PCGF2: variants seen among roughly 807,000 people sequenced by gnomAD.
PCGF2 encodes polycomb group RING finger protein 2.
A neutral mutation model predicts 36.1 loss-of-function variants in PCGF2; 8 were observed. That is an observed-to-expected ratio of 0.22 (90% confidence interval 0.13 to 0.40). The LOEUF (loss-of-function observed/expected upper bound fraction) is 0.40, where lower values mean the gene tolerates loss of function less well. PCGF2 is among the 10% of genes least tolerant of loss of function. PCGF2 has a pLI of 1.00. For missense variants in PCGF2, 436 were observed against 475.9 expected, an observed-to-expected ratio of 0.92 and a Z score of 0.78; for synonymous variants, 198 against 191.2, an observed-to-expected ratio of 1.04 and a Z score of -0.29.
upstream of PCGF2, among the ~76,000 whole-genome samples, chr17:38,748,833 T>G (rs1473552032): frequency 6.6e-6 from 1 of 152,168 alleles, no homozygotes; most frequent in Non-Finnish European, 1.5e-5. Flanking sequence ...GCGATTTTCA[T>G]TCACTCCAAG....
chr17:38,743,471 G>A (rs554177808), intron 2 of PCGF2, among the ~76,000 whole-genome samples: 1 of 151,996 alleles, frequency 6.6e-6, no homozygotes, highest in East Asian at 1.9e-4. Context: ...TCACTTCCCC[G>A]AGCATTTCTG....
chr17:38,743,226 A>G (rs1907317452), intron 2 of PCGF2, among the ~76,000 whole-genome samples: 3 of 150,894 alleles, frequency 2.0e-5, no homozygotes, highest in Admixed American at 2.0e-4. Context: ...GAGTAGCTGG[A>G]ATCACAGGTG....
rs1452114686 is a variant in PCGF2, at chr17:38,735,567, G to A, written c.691C>T (p.Pro231Ser). Residue 231 changes from proline to serine, a missense_variant, in exon 11 of 11, where the codon CCA (proline) becomes TCA (serine). Pro to Ser is a moderately conservative substitution (Grantham distance 74). Transcript: ENST00000620225. ...GPLPLKYRVQ[P>S]ACKRLTLATV... Reference sequence around the variant, plus strand: ...GCTAGGGTGAGCCGCTTGCAGGCTGGCTGGACACGGTACTTGAGGGGGAGA... The same window carrying A: ...GCTAGGGTGAGCCGCTTGCAGGCTGACTGGACACGGTACTTGAGGGGGAGA... 1.3e-6 allele frequency: 2 copies of A among 1,584,016 alleles called. No homozygotes were observed. The highest frequency in any genetic ancestry group is 2.3e-5 in the East Asian group (1 of 43,616).
rs1211939965 is a variant in PCGF2 at position 38,739,241 on chromosome 17, T to C, written c.222A>G (p.Thr74=). The change falls in exon 5 of 11, where the codon ACA becomes ACG. Residue 74 remains threonine, a synonymous_variant. Coordinates refer to ENST00000620225, the MANE Select transcript of PCGF2 (RefSeq NM_007144.3). The surrounding 1 kb of genome is among the most constrained non-coding windows in gnomAD (Gnocchi z 4.0). ...RPLLSIRSDK[T]LQDIVYKLVP... The stretch of plus-strand genomic sequence containing the variant: ...CCAATTTGTAGACAATGTCTTGAAG[T>C]GTTTTGTCAGACCTGGGGAAAAATG... 2.5e-6 allele frequency: 4 copies of C among 1,613,892 alleles called. No homozygotes were observed. Among genetic ancestry groups the C allele is most frequent in the Non-Finnish European group, 3.4e-6 (4 of 1,179,926 alleles).
In PCGF2 at chr17:38,734,953, C is replaced by CA. The variant is rs1160495469; in HGVS notation, c.*269_*270insT. The CA allele has an allele frequency of 1.3e-5, 4 of 300,544 alleles. No individual in the cohort carries two copies. Among genetic ancestry groups the CA allele is most frequent in the Non-Finnish European group, 2.4e-5 (4 of 166,160 alleles). 18.6% of individuals were successfully genotyped at this position (300,544 alleles called of 1,614,324 possible). On this transcript the variant is annotated 3_prime_UTR_variant, in exon 11 of 11. Transcript: ENST00000620225. The stretch of plus-strand genomic sequence containing the variant: ...AACAGCAAATTACACAAGACCCCCC[C>CA]CAAAAAAAATGAACACCATTTTCCA...
In PCGF2 at chr17:38,740,419, G is replaced by A. The variant is rs1414535593; in HGVS notation, c.-17C>T. ...CCGATGCATGATTCCGGGGTCGGGG[G>A]TGGGGGGACTGGGGAGCGTTGCCCT... On this transcript the variant is annotated 5_prime_UTR_variant, in exon 3 of 11. Transcript: ENST00000620225. 5 of 870,822 alleles carry A rather than the reference G, an allele frequency of 5.7e-6. No homozygotes were observed. Among genetic ancestry groups the A allele is most frequent in the South Asian group, 2.8e-5 (2 of 71,992 alleles). The allele number at this position is 870,822 out of a possible 1,614,324, so 53.9% of individuals were successfully genotyped here. A position where few individuals can be genotyped will look rare whatever the true frequency, so the allele number is the denominator to read the frequency against.
intron 3 of PCGF2, among the ~76,000 whole-genome samples, chr17:38,740,086 C>T (rs1907078030): frequency 6.6e-6 from 1 of 152,250 alleles, no homozygotes; most frequent in African/African-American, 2.4e-5. Flanking sequence ...AGATGTGAGT[C>T]CTTGAAATGA....
At position 38,734,322 on chromosome 17, in the gene PCGF2, GT is replaced by G. The variant is rs1906506838; in HGVS notation, c.*900del. 6.6e-6 allele frequency: 1 copy of G among 152,510 alleles called. No homozygotes were observed. Among genetic ancestry groups the G allele is most frequent in the Admixed American group, 6.5e-5 (1 of 15,272 alleles). The allele number at this position is 152,510 out of a possible 1,614,324, so 9.4% of individuals were successfully genotyped here. The stretch of plus-strand genomic sequence containing the variant: ...AGTCTGGGATCTGTGCTTGTGTGAG[GT>G]TAACCCACCCCCACTTCCACTCTAG... On this transcript the variant is annotated 3_prime_UTR_variant, in exon 11 of 11. Transcript: ENST00000620225.
chr17:38,744,412 GT>G (rs762691145), intron 2 of PCGF2, among the ~76,000 whole-genome samples: 30 of 152,036 alleles, frequency 2.0e-4, no homozygotes, highest in Non-Finnish European at 4.3e-4. Context: ...CTGGAGTGCA[GT>G]GGCAAGATAT....
chr17:38,744,237 GC>G (rs1040714431), intron 2 of PCGF2, among the ~76,000 whole-genome samples: 3 of 152,220 alleles, frequency 2.0e-5, no homozygotes, highest in African/African-American at 7.2e-5. Context: ...CAGGAAGGGA[GC>G]TTGCTCAGCA....
At chr17:38,744,578 A>C (rs1186788397) in intron 2 of PCGF2, among the ~76,000 whole-genome samples, 1 of 151,596 alleles carries the variant, frequency 6.6e-6, no homozygotes, top group Admixed American at 6.6e-5. Flanking sequence ...CTGGTTTCCA[A>C]CTCCTGGCCT....
rs770275381 is a variant in PCGF2, at chr17:38,739,054, G to A, written c.316+14C>T. ...CAAGACTGTGCACACACAAACAGACGCGAGCACACTCACCCTCCGTCAGGG... is the reference window on the plus strand; with the variant it reads ...CAAGACTGTGCACACACAAACAGACACGAGCACACTCACCCTCCGTCAGGG... On this transcript the variant is annotated intron_variant, in intron 6 of 10. Transcript: ENST00000620225. This position sits in a 1 kb window ranked among gnomAD's most constrained non-coding sequence, Gnocchi z 4.0. The A allele has an allele frequency of 2.9e-5, 46 of 1,612,378 alleles. No homozygotes were observed. The East Asian group carries it at 4.2e-4, about 15-fold the overall frequency.
chr17:38,739,033 AC>A lies in PCGF2; in HGVS notation c.316+34del, dbSNP rs1311565573. 3 of 1,610,656 alleles carry A rather than the reference AC, an allele frequency of 1.9e-6. No individual in the cohort carries two copies. Among genetic ancestry groups the A allele is most frequent in the Non-Finnish European group, 2.5e-6 (3 of 1,178,636 alleles). ...ACACACCTACATGGTCCCAGGCAAGACTGTGCACACACAAACAGACGCGAGC... is the reference window on the plus strand; with the variant it reads ...ACACACCTACATGGTCCCAGGCAAGATGTGCACACACAAACAGACGCGAGC... On this transcript the variant is annotated intron_variant, in intron 6 of 10. Transcript: ENST00000620225. The surrounding 1 kb of genome is among the most constrained non-coding windows in gnomAD (Gnocchi z 4.0).
rs539117623 is a variant in PCGF2 at position 38,740,201 on chromosome 17, G to A, written c.112+90C>T. ...GGGCGCGTTGGCTCTTTAGGGCAAG[G>A]GTTTGCGTGCTACCTTCCTCAGGCC... On this transcript the variant is annotated intron_variant, in intron 3 of 10. Coordinates refer to ENST00000620225, the MANE Select transcript of PCGF2 (RefSeq NM_007144.3). The A allele has an allele frequency of 1.3e-4, 152 of 1,190,638 alleles. 2 individuals are homozygous for A. The Admixed American group carries it at 2.9e-3, about 23-fold the overall frequency. The allele number at this position is 1,190,638 out of a possible 1,614,324, so 73.8% of individuals were successfully genotyped here.
At chr17:38,746,316 C>A (rs556557960) in intron 2 of PCGF2, among the ~76,000 whole-genome samples, 1 of 151,630 alleles carries the variant, frequency 6.6e-6, no homozygotes, top group East Asian at 1.9e-4. Context: ...ACAACCCTCC[C>A]CCACCCTGCG....
At chr17:38,738,475 G>A (rs368105055) in intron 8 of PCGF2, 27 bp from the exon 9 acceptor site, 26 of 1,613,700 alleles carry the variant, frequency 1.6e-5, no homozygotes, top group Non-Finnish European at 2.0e-5. Context: ...ACCCATGGTA[G>A]GGGATCCACC....
rs1907026656 is a variant in PCGF2, at chr17:38,739,475, C to T, written c.209+111G>A. On this transcript the variant is annotated intron_variant, in intron 4 of 10. Transcript: ENST00000620225. The surrounding 1 kb of genome is among the most constrained non-coding windows in gnomAD (Gnocchi z 4.0). ...CGGGGAGTAGCCCAGGTCCACACCC[C>T]ATGCTTCTCCTACACCTGCCGCCTT... 2.1e-6 allele frequency: 2 copies of T among 975,236 alleles called. No homozygotes were observed. The highest frequency in any genetic ancestry group is 1.7e-5 in the Admixed American group (1 of 58,048). The allele number at this position is 975,236 out of a possible 1,614,324, so 60.4% of individuals were successfully genotyped here.
At chr17:38,741,567 T>A (rs956410072) in intron 2 of PCGF2, among the ~76,000 whole-genome samples, 19 of 152,120 alleles carry the variant, frequency 1.2e-4, no homozygotes, top group Admixed American at 1.0e-3. Context: ...CTACCCTAAG[T>A]TAGAAGGCCG....
intron 2 of PCGF2, among the ~76,000 whole-genome samples, chr17:38,740,669 G>GA: frequency 6.6e-6 from 1 of 152,304 alleles, no homozygotes; most frequent in Non-Finnish European, 1.5e-5. Context: ...TGAGGCAGGA[G>GA]AATGTCGTGA....
Sources: gnomAD v4.1 joint callset for allele counts (sites outside exome capture counted in the v4.1 genomes callset) on GRCh38, gnomAD v4.1.1 for gene constraint, Gnocchi (gnomAD v3.1) non-coding constraint, MANE v1.5 for transcripts, NCBI Gene and HGNC (gene_info 2026-07-23, HGNC 2026-07-21) for gene names.